Variants in ATP5F1A observed in about 807,000 individuals in gnomAD.
ATP5F1A encodes ATP synthase F(1) complex subunit alpha, mitochondrial.
Under a neutral mutation model 57.4 loss-of-function variants are expected in ATP5F1A, and 24 were observed. The ratio of observed to expected loss-of-function variants is 0.42; its 90% CI spans 0.30 to 0.59. The LOEUF (loss-of-function observed/expected upper bound fraction) is 0.59. ATP5F1A is among the 20% of genes least tolerant of loss of function. ATP5F1A has a pLI of 0.19. For synonymous variants in ATP5F1A, 251 were observed against 255.5 expected, an observed-to-expected ratio of 0.98 and a Z score of 0.17; for missense variants, 494 against 707.9, an observed-to-expected ratio of 0.70 and a Z score of 3.43.
Position 46,091,855 on chromosome 18 carries a change from T to C in ATP5F1A, c.140-4A>G, listed in dbSNP as rs73440247. 8.0e-3 allele frequency: 12,873 copies of C among 1,606,992 alleles called. 742 individuals are homozygous for C. The African/African-American group carries it at 0.13, about 17-fold the overall frequency. On this transcript the variant is annotated splice_region_variant and splice_polypyrimidine_tract_variant and intron_variant, in intron 2 of 11. Coordinates refer to ENST00000398752, the MANE Select transcript of ATP5F1A (RefSeq NM_004046.6). ...ATAGAGGACATCTCAGCAGTCCCTA[T>C]GGAAGACAATTCAATTCAATTAAAA...
Position 46,081,660 on chromosome 18 carries a change from CAAAAAAA to C in ATP5F1A, c.*2615_*2621del, listed in dbSNP as rs34716753. 1.9e-4 allele frequency: 14 copies of C among 73,976 alleles called. No homozygotes were observed. The highest frequency in any genetic ancestry group is 1.8e-3 in the Admixed American group (9 of 5,050). 4.6% of individuals were successfully genotyped at this position (73,976 alleles called of 1,614,324 possible). ...GCCTGGGCAACAAGAGCAAAACTCT[CAAAAAAA>C]AAAAACAAAAAAAAAAAAAAAAAAA... On this transcript the variant is annotated 3_prime_UTR_variant, in exon 12 of 12. Transcript: ENST00000398752.
At chr18:46,088,378 C>T (rs1228122578) in intron 5 of ATP5F1A, 121 bp from the exon 6 acceptor site, 4 of 947,764 alleles carry the variant, frequency 4.2e-6, no homozygotes, top group African/African-American at 1.7e-5. Context: ...ATAAGAAACT[C>T]CATTTTGTTC....
At chr18:46,096,240 C>T (rs1910940713) in intron 1 of ATP5F1A, among the ~76,000 whole-genome samples, 1 of 151,968 alleles carries the variant, frequency 6.6e-6, no homozygotes, top group Non-Finnish European at 1.5e-5. Flanking sequence ...GTGGCTCATG[C>T]CTGTAATCCC....
In ATP5F1A at chr18:46,086,517, C is replaced by T. The variant is rs79757869; in HGVS notation, c.1177-23G>A. 1,111 of 1,593,030 alleles carry T rather than the reference C, an allele frequency of 7.0e-4. 12 individuals are homozygous for T. The African/African-American group carries it at 0.012, about 17-fold the overall frequency. On this transcript the variant is annotated intron_variant, in intron 8 of 11. Transcript: ENST00000398752. ...GATCTATAATGTAAGGAAATACGCA[C>T]GCTAGCAAGCTTAAAGTAAGAAATC... is the stretch of plus-strand genomic sequence containing the variant.
rs71160709 is a variant in ATP5F1A, at chr18:46,096,982, CAAAAAAAAA to C, written c.60+1181_60+1189del. ...TGGGCGACTGAGCGAGACACCATCTCAAAAAAAAAAAAAAAAAAAAAAAACAAGCAAACA... is the reference window on the plus strand; with the variant it reads ...TGGGCGACTGAGCGAGACACCATCTCAAAAAAAAAAAAAAACAAGCAAACA... On this transcript the variant is annotated intron_variant, in intron 1 of 11. Coordinates refer to ENST00000398752, the MANE Select transcript of ATP5F1A (RefSeq NM_004046.6). Among the ~76,000 whole-genome samples, 2 of 75,190 alleles carry C rather than the reference CAAAAAAAAA, an allele frequency of 2.7e-5. 1 individual carries two copies. Among genetic ancestry groups the C allele is most frequent in the African/African-American group, 1.2e-4 (2 of 16,068 alleles). 49.3% of individuals were successfully genotyped at this position (75,190 alleles called of 152,430 possible). A position where few individuals can be genotyped will look rare whatever the true frequency, so the allele number is the denominator to read the frequency against.
At chr18:46,086,552 C>T in intron 8 of ATP5F1A, 58 bp from the exon 9 acceptor site, 1 of 1,491,650 alleles carries the variant, frequency 6.7e-7, no homozygotes, top group Non-Finnish European at 9.2e-7. Flanking sequence ...CAACTATCTT[C>T]AAATTTAAGT....
chr18:46,087,904 A>T, intron 6 of ATP5F1A: 2 of 572,758 alleles, frequency 3.5e-6, no homozygotes, highest in Non-Finnish European at 5.9e-6. Flanking sequence ...AGAGTTAATC[A>T]GAATCAAACA....
upstream of ATP5F1A, among the ~76,000 whole-genome samples, chr18:46,102,918 C>G (rs543027355): frequency 3.3e-5 from 5 of 152,108 alleles, no homozygotes; most frequent in African/African-American, 1.2e-4. Flanking sequence ...TATACTCCAG[C>G]TTGGACGAAA....
chr18:46,091,762 T>C lies in ATP5F1A; in HGVS notation c.229A>G (p.Ile77Val), dbSNP rs760048226. Reference protein sequence around the residue: ...DLEETGRVLSIGDGIARVHGL... With the variant: ...DLEETGRVLSVGDGIARVHGL... ...TGTACGCGGGCAATACCATCACCAATACTTAAGACACGCCCAGTTTCTTCA... is the reference window on the plus strand; with the variant it reads ...TGTACGCGGGCAATACCATCACCAACACTTAAGACACGCCCAGTTTCTTCA... Residue 77 changes from isoleucine to valine, a missense_variant, in exon 3 of 12, where the codon ATT (isoleucine) becomes GTT (valine). Physicochemically the swap from Ile to Val is conservative, Grantham distance 29. This residue lies in a region of ATP5F1A where 142 missense variants were observed against 137.5 expected (regional missense o/e 1.03). Coordinates refer to ENST00000398752, the MANE Select transcript of ATP5F1A (RefSeq NM_004046.6). 1.2e-6 allele frequency: 2 copies of C among 1,613,938 alleles called. No homozygotes were observed. Among genetic ancestry groups the C allele is most frequent in the South Asian group, 1.1e-5 (1 of 91,076 alleles).
intron 1 of ATP5F1A, among the ~76,000 whole-genome samples, chr18:46,096,090 T>C (rs1390924079): frequency 3.9e-5 from 6 of 152,048 alleles, no homozygotes; most frequent in Admixed American, 2.0e-4. Flanking sequence ...GGTTTCGCCA[T>C]GTTGGCCAGG....
At chr18:46,093,881 T>C (rs1254502836) in intron 2 of ATP5F1A, among the ~76,000 whole-genome samples, 1 of 151,564 alleles carries the variant, frequency 6.6e-6, no homozygotes, top group Non-Finnish European at 1.5e-5. Flanking sequence ...CCAAGGCAGG[T>C]GGATCACCTG....
At chr18:46,089,103 T>C (rs1449164188) in intron 5 of ATP5F1A, among the ~76,000 whole-genome samples, 3 of 151,580 alleles carry the variant, frequency 2.0e-5, no homozygotes, top group African/African-American at 4.9e-5. Context: ...CACACCGAGA[T>C]AGTAGAGATA....
At chr18:46,094,421 C>T (rs1204897982) in intron 2 of ATP5F1A, among the ~76,000 whole-genome samples, 2 of 152,140 alleles carry the variant, frequency 1.3e-5, no homozygotes, top group Non-Finnish European at 2.9e-5. Context: ...TTAATCCCAG[C>T]ACTTTGGGAG....
At chr18:46,088,794 G>A (rs2144185407) in intron 5 of ATP5F1A, 1 of 152,188 alleles carries the variant, frequency 6.6e-6, no homozygotes, top group Non-Finnish European at 1.5e-5. Flanking sequence ...GAGATAAGAT[G>A]AAGGCATCTG....
At chr18:46,097,635 G>A (rs1434344552) in intron 1 of ATP5F1A, among the ~76,000 whole-genome samples, 1 of 151,740 alleles carries the variant, frequency 6.6e-6, no homozygotes. Context: ...TCAGCACTAA[G>A]AGAAAGCCTA....
intron 6 of ATP5F1A, 65 bp from the exon 7 acceptor site, chr18:46,087,557 T>C: frequency 6.4e-7 from 1 of 1,555,794 alleles, no homozygotes; most frequent in Non-Finnish European, 8.8e-7. Flanking sequence ...ACTATAAAAA[T>C]TACCTAAGTG....
At chr18:46,084,729 T>C in intron 10 of ATP5F1A, 75 bp from the exon 11 acceptor site, 1 of 1,419,366 alleles carries the variant, frequency 7.0e-7, no homozygotes, top group Non-Finnish European at 9.3e-7. Flanking sequence ...TCAGGAAAAC[T>C]TACTTTTTCT....
intron 5 of ATP5F1A, chr18:46,088,609 G>A (rs1271745739): frequency 1.2e-5 from 2 of 165,656 alleles, no homozygotes; most frequent in Admixed American, 6.2e-5. Flanking sequence ...CACTGTGGAA[G>A]GCTGCAGGGC....
upstream of ATP5F1A, chr18:46,099,196 C>T (rs898846741): frequency 6.6e-6 from 1 of 152,172 alleles, no homozygotes; most frequent in Non-Finnish European, 1.5e-5. Context: ...CAGGATAGGA[C>T]GAGGACTCGC....
Sources: gnomAD v4.1 joint callset for allele counts (sites outside exome capture counted in the v4.1 genomes callset) on GRCh38, gnomAD v4.1.1 for gene constraint, gnomAD v4.1.1 regional missense constraint, MANE v1.5 for transcripts, NCBI Gene and HGNC (gene_info 2026-07-23, HGNC 2026-07-21) for gene names.